The following VPS13B variants were observed in gnomAD, a reference collection of about 807,000 sequenced individuals.
VPS13B encodes the protein vacuolar protein sorting 13 homolog B.
A neutral mutation model predicts 426.4 loss-of-function variants in VPS13B; 285 were observed. That is an observed-to-expected ratio of 0.67 (90% CI 0.61 to 0.74). VPS13B has a LOEUF of 0.74. Ranked by LOEUF, VPS13B falls within the 30% of genes least tolerant of loss-of-function variation. The probability of loss-of-function intolerance (pLI) is 0.00; values close to 1 mark genes in which losing one functional copy is unlikely to be tolerated. For missense variants in VPS13B, 4,537 were observed against 4,782.6 expected, an observed-to-expected ratio of 0.95 and a Z score of 1.51; for synonymous variants, 1,676 against 1,676.4, an observed-to-expected ratio of 1.00 and a Z score of 0.01.
At chr8:99,248,975 C>T (rs1817365223) in intron 17 of VPS13B, among the ~76,000 whole-genome samples, 1 of 152,096 alleles carries the variant, frequency 6.6e-6, no homozygotes, top group South Asian at 2.1e-4. Flanking sequence ...ACTACCAGGT[C>T]TCAGTTTCAA....
intron 35 of VPS13B, among the ~76,000 whole-genome samples, chr8:99,664,591 GT>G (rs1830389927): frequency 6.6e-6 from 1 of 151,990 alleles, no homozygotes; most frequent in African/African-American, 2.4e-5. Context: ...CCTTGTGATA[GT>G]TTGCTGAGAA....
In VPS13B at chr8:99,853,795, T is replaced by C. The variant is rs766338069; in HGVS notation, c.10406T>C (p.Leu3469Ser). The change falls in exon 56 of 62, where the codon TTG (leucine) becomes TCG (serine). Residue 3469 changes from leucine (L) to serine (S), a missense_variant. Physicochemically the swap from Leu to Ser is moderately radical, Grantham distance 145. Transcript: ENST00000357162. Reference sequence around the variant, plus strand: ...AGTCTCCTCATATCCAACAAAGAGTTGGAAGAATACAAGGAAAAATGTTTT... The same window carrying C: ...AGTCTCCTCATATCCAACAAAGAGTCGGAAGAATACAAGGAAAAATGTTTT... Reference protein sequence around the residue: ...MQSLLISNKELEEYKEKCFIK... With the variant: ...MQSLLISNKESEEYKEKCFIK... 1 of 1,614,224 alleles carries C rather than the reference T, an allele frequency of 6.2e-7. No individual in the cohort carries two copies. Among genetic ancestry groups the C allele is most frequent in the Non-Finnish European group, 8.5e-7 (1 of 1,180,038 alleles).
intron 30 of VPS13B, among the ~76,000 whole-genome samples, chr8:99,530,299 TTATAA>T (rs1262810985): frequency 6.6e-6 from 1 of 152,154 alleles, no homozygotes; most frequent in Admixed American, 6.5e-5. Context: ...CTTTATGCAA[TTATAA>T]TATAATAATA....
At chr8:99,784,914 G>A (rs1812187453) in intron 43 of VPS13B, among the ~76,000 whole-genome samples, 1 of 152,134 alleles carries the variant, frequency 6.6e-6, no homozygotes, top group Non-Finnish European at 1.5e-5. Context: ...TGTTTCTTCA[G>A]ATTTTTTTTC....
intron 39 of VPS13B, among the ~76,000 whole-genome samples, chr8:99,763,595 G>T (rs1417982886): frequency 6.6e-6 from 1 of 152,170 alleles, no homozygotes; most frequent in Non-Finnish European, 1.5e-5. Flanking sequence ...GAGGTGAAAA[G>T]GCTGAGATAG....
At chr8:99,368,114 T>C (rs1469472564) in intron 19 of VPS13B, among the ~76,000 whole-genome samples, 1 of 152,254 alleles carries the variant, frequency 6.6e-6, no homozygotes, top group Non-Finnish European at 1.5e-5. Flanking sequence ...AATCAAATGT[T>C]TTTAAAAGCC....
At chr8:99,670,289 A>AT (rs1270419366) in intron 35 of VPS13B, among the ~76,000 whole-genome samples, 6 of 152,032 alleles carry the variant, frequency 3.9e-5, no homozygotes, top group Non-Finnish European at 7.4e-5. Flanking sequence ...AATCTTTAAA[A>AT]TTTTTTTCAA....
chr8:99,173,518 T>C (rs756650494), intron 16 of VPS13B, among the ~76,000 whole-genome samples: 3 of 152,168 alleles, frequency 2.0e-5, no homozygotes, highest in Admixed American at 6.5e-5. Flanking sequence ...CTCAAGAAGC[T>C]ATACTTGAGT....
At chr8:99,109,752 A>G (rs985879361) in intron 5 of VPS13B, among the ~76,000 whole-genome samples, 1 of 152,212 alleles carries the variant, frequency 6.6e-6, no homozygotes, top group African/African-American at 2.4e-5. Context: ...AGTTTGAATT[A>G]CAGCTCTGAT....
chr8:99,481,545 T>C (rs116907522), intron 24 of VPS13B, 54 bp from the exon 25 acceptor site: 409 of 1,563,284 alleles, frequency 2.6e-4, no homozygotes, highest in Admixed American at 3.3e-4. Context: ...TTTTAGTGGA[T>C]TGAAACTGGA....
At chr8:99,215,991 G>C (rs892258294) in intron 17 of VPS13B, among the ~76,000 whole-genome samples, 1 of 152,126 alleles carries the variant, frequency 6.6e-6, no homozygotes, top group African/African-American at 2.4e-5. Context: ...AATGTTATTT[G>C]CTTTTTATTC....
chr8:99,599,027 T>G (rs889101000), intron 33 of VPS13B, among the ~76,000 whole-genome samples: 4 of 152,020 alleles, frequency 2.6e-5, no homozygotes, highest in Non-Finnish European at 5.9e-5. Flanking sequence ...TCCCCAGACT[T>G]TTTGCCATTA....
intron 39 of VPS13B, among the ~76,000 whole-genome samples, chr8:99,751,521 T>C (rs1051148396): frequency 3.3e-5 from 5 of 152,172 alleles, no homozygotes; most frequent in Non-Finnish European, 4.4e-5. Context: ...CGTTTGTAAG[T>C]TCTATGAAGT....
intron 17 of VPS13B, among the ~76,000 whole-genome samples, chr8:99,238,608 A>G (rs1816759079): frequency 2.0e-5 from 3 of 152,194 alleles, no homozygotes; most frequent in African/African-American, 7.2e-5. Flanking sequence ...AATAAAATTT[A>G]TATTGATACT....
At chr8:99,047,225 A>G (rs1327203613) in intron 3 of VPS13B, among the ~76,000 whole-genome samples, 1 of 152,064 alleles carries the variant, frequency 6.6e-6, no homozygotes, top group Non-Finnish European at 1.5e-5. Context: ...TGGTCTGTCC[A>G]GGGTATCAAA....
chr8:99,323,695 A>C (rs1810100180), intron 19 of VPS13B, among the ~76,000 whole-genome samples: 1 of 152,254 alleles, frequency 6.6e-6, no homozygotes, highest in South Asian at 2.1e-4. Flanking sequence ...ATTAAAACTT[A>C]GATAGGCTAC....
At chr8:99,159,688 C>T (rs529347395) in intron 15 of VPS13B, among the ~76,000 whole-genome samples, 1 of 152,212 alleles carries the variant, frequency 6.6e-6, no homozygotes, top group Admixed American at 6.5e-5. Flanking sequence ...AGGGCAGAGT[C>T]TTACTCTGTC....
At position 99,696,835 on chromosome 8, in the gene VPS13B, G is replaced by A; in HGVS notation, c.6047-2690G>A. 11 of 1,155,308 alleles carry A rather than the reference G, an allele frequency of 9.5e-6. No homozygotes were observed. The East Asian group carries it at 2.6e-4, about 27-fold the overall frequency. The allele number at this position is 1,155,308 out of a possible 1,614,324, so 71.6% of individuals were successfully genotyped here. A position where few individuals can be genotyped will look rare whatever the true frequency, so the allele number is the denominator to read the frequency against. On this transcript the variant is annotated intron_variant, in intron 35 of 61. Coordinates refer to ENST00000357162, the MANE Select transcript of VPS13B (RefSeq NM_152564.5). ...ACAACCTGTCACGGCCGCAGCTGGT[G>A]GCGCCGTGCAAGCTGCTGGAGCTGC...
chr8:99,411,147 C>T (rs1377531052), intron 21 of VPS13B, among the ~76,000 whole-genome samples: 2 of 152,212 alleles, frequency 1.3e-5, no homozygotes, highest in African/African-American at 4.8e-5. Flanking sequence ...ACACTGTCTT[C>T]CACAACGGTT....
Sources: allele counts gnomAD v4.1 joint callset (sites outside exome capture counted in the v4.1 genomes callset), GRCh38; gene constraint gnomAD v4.1.1; transcripts MANE v1.5; gene names NCBI Gene and HGNC (gene_info 2026-07-23, HGNC 2026-07-21).